The following DNASE2B variants were observed in gnomAD, a reference collection of about 807,000 sequenced individuals.
DNASE2B encodes deoxyribonuclease-2-beta.
A neutral mutation model predicts 46.0 loss-of-function variants in DNASE2B; 43 were observed. That is an observed-to-expected ratio of 0.94 (90% CI 0.73 to 1.21). DNASE2B has a LOEUF of 1.21. Ranked by LOEUF, DNASE2B falls within the 50% of genes most tolerant of loss-of-function variation. The pLI, the probability that DNASE2B is intolerant of heterozygous loss-of-function variation, is 0.00. For synonymous variants in DNASE2B, 156 were observed against 152.5 expected (o/e 1.02, Z -0.17); for missense variants, 395 against 414.4 (o/e 0.95, Z 0.41).
intron 3 of DNASE2B, among the ~76,000 whole-genome samples, chr1:84,410,428 C>G (rs370239548): frequency 2.0e-5 from 3 of 152,172 alleles, no homozygotes; most frequent in South Asian, 4.1e-4. Flanking sequence ...TCTTTCAACT[C>G]TGTTTTTTAG....
At chr1:84,411,428 GTGTGTGTGTGTGTGTGT>G (rs1558503336) in intron 4 of DNASE2B, among the ~76,000 whole-genome samples, 1,060 of 4,758 alleles carry the variant, frequency 0.22, 13 homozygotes, top group Middle Eastern at 0.5. Context: ...AACCTAGGGT[GTGTGTGTGTGTGTGTGT>G]GTGTGTGTGT....
intron 2 of DNASE2B, among the ~76,000 whole-genome samples, chr1:84,407,937 T>C (rs1324643290): frequency 6.6e-6 from 1 of 152,094 alleles, no homozygotes; most frequent in African/African-American, 2.4e-5. Flanking sequence ...TGAGGGATCC[T>C]GATTAAACAC....
At chr1:84,403,932 A>G (rs1376941675) in intron 2 of DNASE2B, among the ~76,000 whole-genome samples, 2 of 146,626 alleles carry the variant, frequency 1.4e-5, no homozygotes, top group African/African-American at 5.0e-5. Flanking sequence ...GACTACAGGC[A>G]TGCACCACCA....
In DNASE2B at chr1:84,410,828, T is replaced by C. The variant is rs750847824; in HGVS notation, c.386-10T>C. 1 of 1,606,202 alleles carries C rather than the reference T, an allele frequency of 6.2e-7. No individual in the cohort carries two copies. Among genetic ancestry groups the C allele is most frequent in the Non-Finnish European group, 8.5e-7 (1 of 1,177,584 alleles). On this transcript the variant is annotated splice_polypyrimidine_tract_variant and intron_variant, in intron 3 of 5. Coordinates refer to ENST00000370665, the MANE Select transcript of DNASE2B (RefSeq NM_021233.3). ...TTCTGATTTATCTTTGTTAAATGTG[T>C]CTTTGGTAGGTTTACTGCTGTGGAA...
At chr1:84,408,199 T>C (rs1184893143) in intron 2 of DNASE2B, 3 of 395,332 alleles carry the variant, frequency 7.6e-6, no homozygotes, top group Non-Finnish European at 1.2e-5. Flanking sequence ...CAGATCACAA[T>C]GCACAGGGCT....
At position 84,414,577 on chromosome 1, in the gene DNASE2B, A is replaced by G; in HGVS notation, c.795A>G (p.Thr265=). 6.2e-7 allele frequency: 1 copy of G among 1,614,090 alleles called. No homozygotes were observed. Among genetic ancestry groups the G allele is most frequent in the Non-Finnish European group, 8.5e-7 (1 of 1,179,986 alleles). Residue 265 remains threonine, a synonymous_variant, in exon 6 of 6, where the codon ACA becomes ACG. Coordinates refer to ENST00000370665, the MANE Select transcript of DNASE2B (RefSeq NM_021233.3). ...AACGGCTGAAGACACACTTGTTAAC[A>G]GAAACCTGGCAGCGAAAAAGACAAG... is the stretch of plus-strand genomic sequence containing the variant. ...MAQRLKTHLL[T]ETWQRKRQEL...
chr1:84,412,206 T>C lies in DNASE2B; in HGVS notation c.548-143T>C, dbSNP rs930089145. ...TGTTAGTTATTTAAACAAAAAGTTA[T>C]TTGAAGGCTATTGGTTTAAAGAAAG... On this transcript the variant is annotated intron_variant, in intron 4 of 5. Coordinates refer to ENST00000370665, the MANE Select transcript of DNASE2B (RefSeq NM_021233.3). 28 of 699,686 alleles carry C rather than the reference T, an allele frequency of 4.0e-5. 2 individuals carry two copies. The Admixed American group carries it at 9.6e-4, about 24-fold the overall frequency. The allele number at this position is 699,686 out of a possible 1,614,324, so 43.3% of individuals were successfully genotyped here.
At chr1:84,404,437 TC>T (rs1680468839) in intron 2 of DNASE2B, among the ~76,000 whole-genome samples, 1 of 152,240 alleles carries the variant, frequency 6.6e-6, no homozygotes, top group South Asian at 2.1e-4. Context: ...TCATGGCTTT[TC>T]CTATAACAGA....
Position 84,410,269 on chromosome 1 carries a change from T to A in DNASE2B, c.386-569T>A, listed in dbSNP as rs78555048. Among the ~76,000 whole-genome samples, 500 of 152,324 alleles carry A rather than the reference T, an allele frequency of 3.3e-3. 4 individuals carry two copies. Among genetic ancestry groups the A allele is most frequent in the African/African-American group, 0.011 (477 of 41,574 alleles). On this transcript the variant is annotated intron_variant, in intron 3 of 5. Coordinates refer to ENST00000370665, the MANE Select transcript of DNASE2B (RefSeq NM_021233.3). ...TTTGCTCTAGAGATTTTTACAAACG[T>A]AATTAACTAGGATGCTTTAGCACAG... is the stretch of plus-strand genomic sequence containing the variant.
Position 84,414,922 on chromosome 1 carries a change from T to A in DNASE2B, c.*54T>A. 1 of 1,280,860 alleles carries A rather than the reference T, an allele frequency of 7.8e-7. No homozygotes were observed. The highest frequency in any genetic ancestry group is 1.1e-6 in the Non-Finnish European group (1 of 909,434). The allele number at this position is 1,280,860 out of a possible 1,614,324, so 79.3% of individuals were successfully genotyped here. A position where few individuals can be genotyped will look rare whatever the true frequency, so the allele number is the denominator to read the frequency against. ...TTGAAAACCTTGACAATGGGTCTTC[T>A]TCCATTACACCTTCTTTATATTTTA... On this transcript the variant is annotated 3_prime_UTR_variant, in exon 6 of 6. Transcript: ENST00000370665.
Position 84,398,687 on chromosome 1 carries a change from C to T in DNASE2B, c.123C>T (p.Asp41=), listed in dbSNP as rs752698605. The change falls in exon 1 of 6, where the codon GAC becomes GAT. Residue 41 remains aspartate (D), a splice_region_variant and synonymous_variant. Transcript: ENST00000370665. ...GAAATGAAGAAGGGAAAGCTGTGGA[C>T]TGGTAGGTAAATGAAATGGAAGGAC... is the stretch of plus-strand genomic sequence containing the variant. ...SCRNEEGKAV[D]WFTFYKLPKR... 3.1e-6 allele frequency: 5 copies of T among 1,613,608 alleles called. No individual in the cohort carries two copies. The East Asian group carries it at 1.1e-4, about 36-fold the overall frequency.
rs1352556988 is a variant in DNASE2B at position 84,414,965 on chromosome 1, T to G, written c.*97T>G. ...ATATTTTAAAGGCCTGTGAATATAC[T>G]TATAACCTGCATATCACAAAATAAA... is the stretch of plus-strand genomic sequence containing the variant. On this transcript the variant is annotated 3_prime_UTR_variant, in exon 6 of 6. Coordinates refer to ENST00000370665, the MANE Select transcript of DNASE2B (RefSeq NM_021233.3). The G allele has an allele frequency of 9.6e-6, 8 of 830,332 alleles. No individual in the cohort carries two copies. The Admixed American group carries it at 2.4e-4, about 25-fold the overall frequency. The allele number at this position is 830,332 out of a possible 1,614,324, so 51.4% of individuals were successfully genotyped here.
At chr1:84,399,104 A>T (rs1268529517) in intron 1 of DNASE2B, among the ~76,000 whole-genome samples, 1 of 152,228 alleles carries the variant, frequency 6.6e-6, no homozygotes, top group African/African-American at 2.4e-5. Context: ...GCTGCTCCTT[A>T]TGAGAAAGAG....
At position 84,412,409 on chromosome 1, in the gene DNASE2B, A is replaced by G. The variant is rs1429062195; in HGVS notation, c.608A>G (p.His203Arg). Residue 203 changes from histidine (H) to arginine (R), a missense_variant, in exon 5 of 6, where the codon CAC becomes CGC. By Grantham distance (29) the His-to-Arg change is conservative. Coordinates refer to ENST00000370665, the MANE Select transcript of DNASE2B (RefSeq NM_021233.3). ...VYSCSIPATFHQELIHMPQLC... is the reference protein window; with the variant it reads ...VYSCSIPATFRQELIHMPQLC... Reference sequence around the variant, plus strand: ...AGCTGCTCCATCCCAGCCACCTTTCACCAGGAGCTCATTCACATGCCCCAG... The same window carrying G: ...AGCTGCTCCATCCCAGCCACCTTTCGCCAGGAGCTCATTCACATGCCCCAG... 7 of 1,613,042 alleles carry G rather than the reference A, an allele frequency of 4.3e-6. No homozygotes were observed. The highest frequency in any genetic ancestry group is 5.9e-6 in the Non-Finnish European group (7 of 1,179,480).
chr1:84,402,101 C>A lies in DNASE2B; in HGVS notation c.303+23C>A, dbSNP rs376683191. 9.6e-6 allele frequency: 15 copies of A among 1,569,612 alleles called. No homozygotes were observed. The African/African-American group carries it at 1.7e-4, about 17-fold the overall frequency. ...AAGGTATGTTATATAGTTAATTGTT[C>A]ACTTGAATAATATAAAATGCATAAA... On this transcript the variant is annotated intron_variant, in intron 2 of 5. Coordinates refer to ENST00000370665, the MANE Select transcript of DNASE2B (RefSeq NM_021233.3).
In DNASE2B at chr1:84,398,666, TGAA is replaced by T; in HGVS notation, c.107_109del (p.Glu36del). The T allele has an allele frequency of 1.2e-6, 2 of 1,613,702 alleles. No individual in the cohort carries two copies. Among genetic ancestry groups the T allele is most frequent in the Non-Finnish European group, 1.7e-6 (2 of 1,179,756 alleles). On this transcript the variant is annotated inframe_deletion, in exon 1 of 6. Coordinates refer to ENST00000370665, the MANE Select transcript of DNASE2B (RefSeq NM_021233.3). ...GGGCAGCAACAATTTCATGCAGAAA[TGAA>T]GAAGGGAAAGCTGTGGACTGGTAGG...
intron 1 of DNASE2B, among the ~76,000 whole-genome samples, chr1:84,400,384 A>G (rs1274635398): frequency 6.6e-6 from 1 of 152,220 alleles, no homozygotes; most frequent in Non-Finnish European, 1.5e-5. Flanking sequence ...AAAACAAAAA[A>G]CAAAACAAGA....
intron 2 of DNASE2B, among the ~76,000 whole-genome samples, chr1:84,406,753 G>C (rs564127878): frequency 6.6e-6 from 1 of 152,270 alleles, no homozygotes; most frequent in Admixed American, 6.5e-5. Flanking sequence ...GTGACTGTGA[G>C]AATATTACTC....
chr1:84,410,267 C>T (rs1286333293), intron 3 of DNASE2B, among the ~76,000 whole-genome samples: 10 of 152,266 alleles, frequency 6.6e-5, no homozygotes, highest in Admixed American at 1.3e-4. Flanking sequence ...TTTTTACAAA[C>T]GTAATTAACT....
Sources: allele counts gnomAD v4.1 joint callset (sites outside exome capture counted in the v4.1 genomes callset), GRCh38; gene constraint gnomAD v4.1.1; transcripts MANE v1.5; gene names NCBI Gene and HGNC (gene_info 2026-07-23, HGNC 2026-07-21).